Variants in FAAH2 observed in about 807,000 individuals in gnomAD.
FAAH2 encodes the protein fatty-acid amide hydrolase 2.
Under a neutral mutation model 36.9 loss-of-function variants are expected in FAAH2, and 60 were observed. The observed-to-expected ratio is 1.63, with a 90% confidence interval of 1.32 to 2.02. FAAH2 has a LOEUF of 2.02. FAAH2 is among the 30% of genes most tolerant of loss of function. The probability of loss-of-function intolerance (pLI) is 0.00; values close to 1 mark genes in which losing one functional copy is unlikely to be tolerated. For synonymous variants in FAAH2, 214 were observed against 143.8 expected (o/e 1.49, Z -3.49); for missense variants, 689 against 397.5 (o/e 1.73, Z -6.23).
At chrX:57,468,871 G>T (rs905839497) in intron 10 of FAAH2, among the ~76,000 whole-genome samples, 3 of 111,813 alleles carry the variant, frequency 2.7e-5, no homozygotes, top group African/African-American at 9.7e-5. Context: ...ACCCACAAAA[G>T]AAAGCCCATC....
chrX:57,415,878 C>T (rs747679702), intron 7 of FAAH2, among the ~76,000 whole-genome samples: 1 of 111,231 alleles, frequency 9.0e-6, no homozygotes, highest in South Asian at 3.8e-4. Flanking sequence ...TTGTAGGTCT[C>T]TAAGAACTTG....
At chrX:57,382,322 G>T (rs1478469829) in intron 7 of FAAH2, among the ~76,000 whole-genome samples, 19 of 111,300 alleles carry the variant, frequency 1.7e-4, no homozygotes, top group South Asian at 7.6e-4. Flanking sequence ...AAATAACTAA[G>T]ATCAGAGAAG....
chrX:57,159,242 G>C, the FAAH2 span, among the ~76,000 whole-genome samples: 1 of 111,735 alleles, frequency 8.9e-6, no homozygotes, highest in Non-Finnish European at 1.9e-5. Flanking sequence ...GGTTACTGTA[G>C]CCTTGTAGTA....
chrX:57,256,038 G>T, the FAAH2 span, among the ~76,000 whole-genome samples: 1 of 111,956 alleles, frequency 8.9e-6, no homozygotes, highest in South Asian at 3.7e-4. Flanking sequence ...CATTGTCTCA[G>T]CCCAAAATCT....
chrX:57,338,854 A>G (rs773172893), intron 4 of FAAH2, among the ~76,000 whole-genome samples: 53 of 111,828 alleles, frequency 4.7e-4, no homozygotes, highest in African/African-American at 1.7e-3. Context: ...TATAGATTCA[A>G]TGCTATTCCT....
chrX:57,236,715 C>A, the FAAH2 span, among the ~76,000 whole-genome samples: 1 of 110,699 alleles, frequency 9.0e-6, no homozygotes, highest in Non-Finnish European at 1.9e-5. Flanking sequence ...GGGTGTTTTT[C>A]TATTGCATGA....
At chrX:57,196,022 G>T in the FAAH2 span, among the ~76,000 whole-genome samples, 1 of 111,947 alleles carries the variant, frequency 8.9e-6, no homozygotes, top group African/African-American at 3.2e-5. Flanking sequence ...ATAGTTTGAA[G>T]TTGGGTAATG....
the FAAH2 span, among the ~76,000 whole-genome samples, chrX:57,275,996 C>A: frequency 2.7e-5 from 3 of 111,432 alleles, no homozygotes; most frequent in Non-Finnish European, 5.6e-5. Context: ...ACCCCACTGT[C>A]CATATCAGAC....
the FAAH2 span, among the ~76,000 whole-genome samples, chrX:57,199,869 A>C: frequency 8.9e-6 from 1 of 112,032 alleles, no homozygotes; most frequent in East Asian, 2.8e-4. Flanking sequence ...TACAGTTTTC[A>C]TCTAGAAATT....
At chrX:57,250,175 G>C in the FAAH2 span, among the ~76,000 whole-genome samples, 1 of 112,001 alleles carries the variant, frequency 8.9e-6, no homozygotes, top group African/African-American at 3.2e-5. Flanking sequence ...GCAATTTATT[G>C]TGGCATCTCC....
chrX:57,375,547 T>C (rs751504052), intron 5 of FAAH2, among the ~76,000 whole-genome samples: 1 of 110,630 alleles, frequency 9.0e-6, no homozygotes, highest in South Asian at 3.8e-4. Flanking sequence ...TGATCTTTTG[T>C]CTTTCTCTGG....
chrX:57,428,291 T>G (rs187099889), intron 7 of FAAH2, among the ~76,000 whole-genome samples: 310 of 112,076 alleles, frequency 2.8e-3, no homozygotes, highest in African/African-American at 9.4e-3. Context: ...ATAAGAGGAA[T>G]GAATATCATT....
chrX:57,453,882 G>T (rs2056825649), intron 10 of FAAH2, among the ~76,000 whole-genome samples: 1 of 112,285 alleles, frequency 8.9e-6, no homozygotes, highest in Admixed American at 9.4e-5. Context: ...GCTGGCAGAG[G>T]ATTGGGGTGT....
chrX:57,441,905 A>G (rs1371211982), intron 8 of FAAH2, among the ~76,000 whole-genome samples: 7 of 111,141 alleles, frequency 6.3e-5, no homozygotes, highest in Admixed American at 9.6e-5. Flanking sequence ...CAGTTTCCAT[A>G]TGGTAGAGCT....
chrX:57,126,850 A>G, the FAAH2 span: 383 of 111,981 alleles, frequency 3.4e-3, 2 homozygotes, highest in African/African-American at 0.012. Context: ...CTTAAGAAAG[A>G]GAAGCAGGAA....
At chrX:57,261,449 A>G in the FAAH2 span, among the ~76,000 whole-genome samples, 1 of 103,571 alleles carries the variant, frequency 9.7e-6, no homozygotes, top group Admixed American at 1.1e-4. Flanking sequence ...GCTACTCAGG[A>G]GTCTGAGGCA....
At chrX:57,311,679 C>G (rs2052698222) in intron 3 of FAAH2, among the ~76,000 whole-genome samples, 1 of 112,363 alleles carries the variant, frequency 8.9e-6, no homozygotes, top group African/African-American at 3.2e-5. Flanking sequence ...ATCTGCTCTG[C>G]AAGCTTTCCT....
At chrX:57,288,700 G>T (rs1397497970) in intron 1 of FAAH2, among the ~76,000 whole-genome samples, 2 of 110,526 alleles carry the variant, frequency 1.8e-5, no homozygotes, top group East Asian at 5.7e-4. Flanking sequence ...TAAGAAAAAT[G>T]GATTTGATAA....
At chrX:57,237,193 C>T in the FAAH2 span, among the ~76,000 whole-genome samples, 4 of 111,305 alleles carry the variant, frequency 3.6e-5, no homozygotes, top group Non-Finnish European at 7.6e-5. Flanking sequence ...TTTGGGTTCT[C>T]AATTTTGTCG....
Sources: gnomAD v4.1 joint callset for allele counts (sites outside exome capture counted in the v4.1 genomes callset) on GRCh38, gnomAD v4.1.1 for gene constraint, MANE v1.5 for transcripts, NCBI Gene and HGNC (gene_info 2026-07-23, HGNC 2026-07-21) for gene names.